Variants in IL1RN observed in about 807,000 individuals in gnomAD.
IL1RN encodes interleukin 1 receptor antagonist.
Under a neutral mutation model 13.7 loss-of-function variants are expected in IL1RN, and 10 were observed. The observed-to-expected ratio is 0.73, with a 90% CI of 0.45 to 1.24. IL1RN has a LOEUF of 1.24. IL1RN is among the 50% of genes most tolerant of loss of function. The probability of loss-of-function intolerance (pLI) is 0.00; values close to 1 mark genes in which losing one functional copy is unlikely to be tolerated. For missense variants in IL1RN, 213 were observed against 222.1 expected (o/e 0.96, Z 0.26); for synonymous variants, 102 against 82.7 (o/e 1.23, Z -1.27).
upstream of IL1RN, chr2:113,117,744 A>G (rs1686628147): frequency 1.7e-6 from 1 of 584,698 alleles, no homozygotes; most frequent in South Asian, 2.0e-5. Flanking sequence ...GGTTTCTGCT[A>G]GCCTGAGTCA....
chr2:113,115,984 T>C (rs575792620), upstream of IL1RN, among the ~76,000 whole-genome samples: 7 of 152,322 alleles, frequency 4.6e-5, no homozygotes, highest in Admixed American at 1.3e-4. Flanking sequence ...ATCTATTTCC[T>C]CTGATAGTAA....
upstream of IL1RN, chr2:113,127,494 G>T (rs929889396): frequency 4.1e-6 from 6 of 1,450,104 alleles, no homozygotes; most frequent in African/African-American, 2.9e-5. Flanking sequence ...TTTTGGAAAT[G>T]CGAGGAGGGT....
upstream of IL1RN, chr2:113,107,144 G>C (rs1268304784): frequency 6.6e-6 from 1 of 152,222 alleles, no homozygotes; most frequent in Non-Finnish European, 1.5e-5. Flanking sequence ...TGAAAATAGA[G>C]AGAGTGCACC....
upstream of IL1RN, chr2:113,117,711 C>T: frequency 1.8e-6 from 1 of 547,882 alleles, no homozygotes; most frequent in Non-Finnish European, 3.3e-6. Flanking sequence ...GACCTCCCAT[C>T]TTACGCAGAT....
the IL1RN span, among the ~76,000 whole-genome samples, chr2:113,100,280 C>G: frequency 6.7e-6 from 1 of 149,524 alleles, no homozygotes; most frequent in Admixed American, 6.6e-5. Context: ...GAGCCGAGAT[C>G]GCACCACTGC....
upstream of IL1RN, among the ~76,000 whole-genome samples, chr2:113,106,484 T>C (rs1291858823): frequency 1.3e-5 from 2 of 152,260 alleles, no homozygotes; most frequent in Non-Finnish European, 2.9e-5. Context: ...AGCAACATTG[T>C]TCTATAATAA....
chr2:113,112,322 T>TA (rs1686514625), intron 1 of IL1RN, among the ~76,000 whole-genome samples: 1 of 152,170 alleles, frequency 6.6e-6, no homozygotes. Flanking sequence ...ACCCTATAAT[T>TA]AAAATCAGCT....
chr2:113,108,814 G>A (rs796791341), upstream of IL1RN, among the ~76,000 whole-genome samples: 54 of 152,200 alleles, frequency 3.5e-4, no homozygotes, highest in African/African-American at 1.2e-3. Flanking sequence ...TTAGAAAAAG[G>A]GCAGAACTAA....
chr2:113,104,343 T>C (rs991154057), upstream of IL1RN, among the ~76,000 whole-genome samples: 13 of 152,166 alleles, frequency 8.5e-5, no homozygotes, highest in African/African-American at 2.9e-4. Context: ...TCACCAGCTC[T>C]AAGACTAGTG....
intron 2 of IL1RN, among the ~76,000 whole-genome samples, chr2:113,122,295 G>A (rs987107191): frequency 6.6e-6 from 1 of 152,184 alleles, no homozygotes; most frequent in Non-Finnish European, 1.5e-5. Context: ...TTTCTGCAAG[G>A]GGGATGAAAC....
upstream of IL1RN, among the ~76,000 whole-genome samples, chr2:113,109,859 C>T (rs1018026016): frequency 6.6e-6 from 1 of 151,826 alleles, no homozygotes; most frequent in African/African-American, 2.4e-5. Context: ...CTACTACAAA[C>T]TTTACCCATA....
intron 1 of IL1RN, among the ~76,000 whole-genome samples, chr2:113,111,668 G>T (rs1388154962): frequency 6.6e-6 from 1 of 152,230 alleles, no homozygotes; most frequent in African/African-American, 2.4e-5. Flanking sequence ...AATGGACTGA[G>T]GCTTGCATTA....
chr2:113,132,693 A>G lies in IL1RN; in HGVS notation c.356A>G (p.Gln119Arg). ...NITDLSENRK[Q>R]DKRFAFIRSD... Reference sequence around the variant, plus strand: ...ACTGACCTGAGCGAGAACAGAAAGCAGGACAAGCGCTTCGCCTTCATCCGC... The same window carrying G: ...ACTGACCTGAGCGAGAACAGAAAGCGGGACAAGCGCTTCGCCTTCATCCGC... The change falls in exon 4 of 4, where the codon CAG becomes CGG. Residue 119 changes from glutamine to arginine, a missense_variant. Transcript: ENST00000409930. 1 of 1,614,242 alleles carries G rather than the reference A, an allele frequency of 6.2e-7. No homozygotes were observed. Among genetic ancestry groups the G allele is most frequent in the Non-Finnish European group, 8.5e-7 (1 of 1,180,032 alleles).
intron 3 of IL1RN, among the ~76,000 whole-genome samples, chr2:113,131,397 A>G (rs1273521807): frequency 1.3e-5 from 2 of 152,102 alleles, no homozygotes; most frequent in Non-Finnish European, 2.9e-5. Flanking sequence ...AGTGTTTAAG[A>G]GTTAGTTGGA....
rs1573312917 is a variant in IL1RN at position 113,133,252 on chromosome 2, A to G, written c.*381A>G. 3 of 328,194 alleles carry G rather than the reference A, an allele frequency of 9.1e-6. No individual in the cohort carries two copies. Among genetic ancestry groups the G allele is most frequent in the Non-Finnish European group, 1.8e-5 (3 of 169,656 alleles). 20.3% of individuals were successfully genotyped at this position (328,194 alleles called of 1,614,324 possible). On this transcript the variant is annotated 3_prime_UTR_variant, in exon 4 of 4. Transcript: ENST00000409930. ...CCATCAGGCCACTTGATGACCCCCA[A>G]CCAAGTGGCTCCCACACCCTGTTTT... is the stretch of plus-strand genomic sequence containing the variant.
At chr2:113,113,785 AAGG>A (rs1180139302), upstream of IL1RN, among the ~76,000 whole-genome samples, 2 of 152,182 alleles carry the variant, frequency 1.3e-5, no homozygotes, top group East Asian at 3.8e-4. Flanking sequence ...GGACTGAGAA[AAGG>A]AGGAGCTGCT....
intron 3 of IL1RN, among the ~76,000 whole-genome samples, chr2:113,132,442 C>T (rs373791009): frequency 2.0e-4 from 31 of 152,218 alleles, no homozygotes; most frequent in Admixed American, 1.5e-3. Context: ...AGCAAGACTC[C>T]GTCTCGGGAA....
chr2:113,125,947 T>C (rs1435296892), upstream of IL1RN, among the ~76,000 whole-genome samples: 1 of 152,084 alleles, frequency 6.6e-6, no homozygotes, highest in East Asian at 1.9e-4. Context: ...TACAGGCACA[T>C]GCCACCATCC....
the IL1RN span, among the ~76,000 whole-genome samples, chr2:113,101,539 C>T: frequency 6.6e-6 from 1 of 152,282 alleles, no homozygotes; most frequent in South Asian, 2.1e-4. Context: ...ACTCAGTGAG[C>T]ATGATCTCAG....
Sources: gnomAD v4.1 joint callset for allele counts (sites outside exome capture counted in the v4.1 genomes callset) on GRCh38, gnomAD v4.1.1 for gene constraint, MANE v1.5 for transcripts, NCBI Gene and HGNC (gene_info 2026-07-23, HGNC 2026-07-21) for gene names.